The following ATP1A1 variants were observed in gnomAD, a reference collection of about 807,000 sequenced individuals.
ATP1A1 encodes the protein sodium/potassium-transporting ATPase subunit alpha-1.
Under a neutral mutation model 114.8 loss-of-function variants are expected in ATP1A1, and 14 were observed. The observed-to-expected ratio is 0.12, with a 90% CI of 0.08 to 0.19. The LOEUF (loss-of-function observed/expected upper bound fraction) is 0.19, where lower values mean the gene tolerates loss of function less well. Among genes scored for constraint, ATP1A1 ranks in the 10% least tolerant of loss-of-function variants. The pLI is 1.00. For missense variants in ATP1A1, 524 were observed against 1,290.7 expected (o/e 0.41, Z 9.10); for synonymous variants, 471 against 466.3 (o/e 1.01, Z -0.13).
chr1:116,390,378 A>G lies in ATP1A1; in HGVS notation c.1189A>G (p.Ile397Val), dbSNP rs112808861. 1.2e-6 allele frequency: 2 copies of G among 1,614,138 alleles called. No individual in the cohort carries two copies. Among genetic ancestry groups the G allele is most frequent in the Non-Finnish European group, 1.7e-6 (2 of 1,180,026 alleles). The change falls in exon 9 of 23, where the codon ATC becomes GTC. Residue 397 changes from isoleucine to valine, a missense_variant. Transcript: ENST00000295598. ...GGCCCACATGTGGTTTGACAATCAA[A>G]TCCATGAAGCTGATACGACAGAGAA... ...TVAHMWFDNQIHEADTTENQS... is the reference protein window; with the variant it reads ...TVAHMWFDNQVHEADTTENQS...
rs1184547939 is a variant in ATP1A1, at chr1:116,389,988, G to A, written c.1024-225G>A. 2.0e-5 allele frequency: 13 copies of A among 657,928 alleles called. No individual in the cohort carries two copies. Among genetic ancestry groups the A allele is most frequent in the South Asian group, 8.1e-5 (4 of 49,496 alleles). The allele number at this position is 657,928 out of a possible 1,614,324, so 40.8% of individuals were successfully genotyped here. Reference sequence around the variant, plus strand: ...AGAAGAACTTGGGATCAAGTAGGGGGATAGAATATGGTAGAATCCTGTTAT... The same window carrying A: ...AGAAGAACTTGGGATCAAGTAGGGGAATAGAATATGGTAGAATCCTGTTAT... On this transcript the variant is annotated intron_variant, in intron 8 of 22. Transcript: ENST00000295598. This position sits in a 1 kb window ranked among gnomAD's most constrained non-coding sequence, Gnocchi z 6.9.
Position 116,385,066 on chromosome 1 carries a change from T to C in ATP1A1, c.183+224T>C, listed in dbSNP as rs1226460151. ...ATGTTATTTTCTTTTCCCTATTTTA[T>C]AGCAGTTGAGAGCCAGTAAGTGGGA... is the stretch of plus-strand genomic sequence containing the variant. On this transcript the variant is annotated intron_variant, in intron 3 of 22. Coordinates refer to ENST00000295598, the MANE Select transcript of ATP1A1 (RefSeq NM_000701.8). This position sits in a 1 kb window ranked among gnomAD's most constrained non-coding sequence, Gnocchi z 4.3. The C allele has an allele frequency of 2.0e-6, 1 of 500,906 alleles. No individual in the cohort carries two copies. Among genetic ancestry groups the C allele is most frequent in the East Asian group, 4.0e-5 (1 of 25,224 alleles). 31.0% of individuals were successfully genotyped at this position (500,906 alleles called of 1,614,324 possible).
At chr1:116,374,372 T>C (rs1651212227) in intron 1 of ATP1A1, 3 of 1,361,650 alleles carry the variant, frequency 2.2e-6, no homozygotes, top group South Asian at 2.5e-5. Context: ...TGAAGGAGGA[T>C]AGGCAGACCC....
In ATP1A1 at chr1:116,390,237, C is replaced by T. The variant is rs747138813; in HGVS notation, c.1048C>T (p.Arg350Cys). 6 of 1,614,044 alleles carry T rather than the reference C, an allele frequency of 3.7e-6. No homozygotes were observed. The highest frequency in any genetic ancestry group is 2.2e-5 in the East Asian group (1 of 44,890). ...GGTCTGTCTGACACTTACTGCCAAACGCATGGCAAGGAAAAACTGCTTAGT... is the reference window on the plus strand; with the variant it reads ...GGTCTGTCTGACACTTACTGCCAAATGCATGGCAAGGAAAAACTGCTTAGT... ...VTVCLTLTAK[R>C]MARKNCLVKN... The change falls in exon 9 of 23, where the codon CGC becomes TGC. Residue 350 changes from arginine to cysteine, a missense_variant. Coordinates refer to ENST00000295598, the MANE Select transcript of ATP1A1 (RefSeq NM_000701.8).
In ATP1A1 at chr1:116,399,261, G is replaced by A; in HGVS notation, c.2449-159G>A. 7.5e-7 allele frequency: 1 copy of A among 1,340,434 alleles called. No homozygotes were observed. The highest frequency in any genetic ancestry group is 1.0e-6 in the Non-Finnish European group (1 of 976,552). 83.0% of individuals were successfully genotyped at this position (1,340,434 alleles called of 1,614,324 possible). A position where few individuals can be genotyped will look rare whatever the true frequency, so the allele number is the denominator to read the frequency against. On this transcript the variant is annotated intron_variant, in intron 17 of 22. Transcript: ENST00000295598. This position sits in a 1 kb window ranked among gnomAD's most constrained non-coding sequence, Gnocchi z 5.0. ...AGAATCAGTATTACCACTCTTCAAG[G>A]CAGCAGTTAACATTTGTTTATCAGA...
chr1:116,385,095 C>T lies in ATP1A1; in HGVS notation c.183+253C>T, dbSNP rs79467758. 5,068 of 431,580 alleles carry T rather than the reference C, an allele frequency of 0.012. 260 individuals carry two copies. Among genetic ancestry groups the T allele is most frequent in the African/African-American group, 0.097 (4,623 of 47,760 alleles). The allele number at this position is 431,580 out of a possible 1,614,324, so 26.7% of individuals were successfully genotyped here. A position where few individuals can be genotyped will look rare whatever the true frequency, so the allele number is the denominator to read the frequency against. ...AGTTGAGAGCCAGTAAGTGGGAACA[C>T]CAGGACTTGCAGTTGGCTTCAAAGC... On this transcript the variant is annotated intron_variant, in intron 3 of 22. Transcript: ENST00000295598. The surrounding 1 kb of genome is among the most constrained non-coding windows in gnomAD (Gnocchi z 4.3).
chr1:116,404,372 A>G lies in ATP1A1; in HGVS notation c.3044-44A>G, dbSNP rs1653794533. On this transcript the variant is annotated intron_variant, in intron 22 of 22. Coordinates refer to ENST00000295598, the MANE Select transcript of ATP1A1 (RefSeq NM_000701.8). This position sits in a 1 kb window ranked among gnomAD's most constrained non-coding sequence, Gnocchi z 4.8. ...TCCCTCTGTAATGCTGGAGCGAGGA[A>G]GACTCACTGTAGTGTGTCTTGTCTG... 2.5e-6 allele frequency: 4 copies of G among 1,612,502 alleles called. No individual in the cohort carries two copies. The highest frequency in any genetic ancestry group is 1.3e-5 in the African/African-American group (1 of 74,856).
chr1:116,402,632 C>G (rs1271811814), intron 21 of ATP1A1, among the ~76,000 whole-genome samples: 3 of 152,212 alleles, frequency 2.0e-5, no homozygotes, highest in African/African-American at 7.2e-5. Flanking sequence ...CTCTTGTACC[C>G]CTTACCCATC....
chr1:116,403,014 G>A (rs1653639395), intron 21 of ATP1A1, among the ~76,000 whole-genome samples: 1 of 152,198 alleles, frequency 6.6e-6, no homozygotes, highest in African/African-American at 2.4e-5. Flanking sequence ...AGGTCACAGA[G>A]CTTTCCAAAA....
At chr1:116,376,327 T>C (rs1386258282) in intron 1 of ATP1A1, among the ~76,000 whole-genome samples, 1 of 152,202 alleles carries the variant, frequency 6.6e-6, no homozygotes, top group Non-Finnish European at 1.5e-5. Context: ...TGTATGGTAA[T>C]GTTATCAGCT....
Position 116,388,249 on chromosome 1 carries a change from C to G in ATP1A1, c.501+5C>G, listed in dbSNP as rs916949782. 5 of 1,601,966 alleles carry G rather than the reference C, an allele frequency of 3.1e-6. No individual in the cohort carries two copies. Among genetic ancestry groups the G allele is most frequent in the African/African-American group, 1.3e-5 (1 of 74,610 alleles). ...TTCAAAAACATGGTCCCTCAGGTAC[C>G]AGACGCTTTGTCCTTCCCCAGTGGA... On this transcript the variant is annotated splice_donor_5th_base_variant and intron_variant, in intron 5 of 22. Coordinates refer to ENST00000295598, the MANE Select transcript of ATP1A1 (RefSeq NM_000701.8). The surrounding 1 kb of genome is among the most constrained non-coding windows in gnomAD (Gnocchi z 5.6).
At chr1:116,375,157 G>T (rs1245032846) in intron 1 of ATP1A1, among the ~76,000 whole-genome samples, 1 of 152,204 alleles carries the variant, frequency 6.6e-6, no homozygotes, top group Non-Finnish European at 1.5e-5. Context: ...TACTTCCTGA[G>T]CTAATTTTGG....
At position 116,379,250 on chromosome 1, in the gene ATP1A1, A is replaced by G. The variant is rs922402988; in HGVS notation, c.13-4764A>G. ...TGCTGGGCTGCCCAAGTTTGGATATACTAAACTGGGCTCACAAAGGGATCT... is the reference window on the plus strand; with the variant it reads ...TGCTGGGCTGCCCAAGTTTGGATATGCTAAACTGGGCTCACAAAGGGATCT... On this transcript the variant is annotated intron_variant, in intron 1 of 22. Coordinates refer to ENST00000295598, the MANE Select transcript of ATP1A1 (RefSeq NM_000701.8). 3.3e-5 allele frequency among the ~76,000 whole-genome samples: 5 copies of G among 152,146 alleles called. No individual in the cohort carries two copies. In the East Asian group the frequency reaches 9.6e-4, roughly 29 times the overall value.
In ATP1A1 at chr1:116,389,006, C is replaced by A. The variant is rs12079419; in HGVS notation, c.741C>A (p.Thr247=). The A allele has an allele frequency of 0.026, 41,440 of 1,613,776 alleles. 5,716 individuals are homozygous for A. The African/African-American group carries it at 0.37, about 14-fold the overall frequency. ...CGAGGAACATTGCCTTCTTTTCAAC[C>A]AATTGTGTTGAAGGTAGGCCATTTT... ...LETRNIAFFS[T]NCVEGTARGI... The change falls in exon 7 of 23, where the codon ACC becomes ACA. Residue 247 remains threonine, a synonymous_variant. Transcript: ENST00000295598. This position sits in a 1 kb window ranked among gnomAD's most constrained non-coding sequence, Gnocchi z 6.9.
rs749999385 is a variant in ATP1A1 at position 116,384,755 on chromosome 1, T to C, written c.124-28T>C. The C allele has an allele frequency of 1.6e-5, 26 of 1,579,034 alleles. No homozygotes were observed. The East Asian group carries it at 5.6e-4, about 34-fold the overall frequency. On this transcript the variant is annotated intron_variant, in intron 2 of 22. Coordinates refer to ENST00000295598, the MANE Select transcript of ATP1A1 (RefSeq NM_000701.8). The surrounding 1 kb of genome is among the most constrained non-coding windows in gnomAD (Gnocchi z 5.1). ...ATTTTTTTATACTACACTGTTTAAC[T>C]ATTTTCTTTGTTTCTGTTTTCCCTT... is the stretch of plus-strand genomic sequence containing the variant.
At chr1:116,403,380 A>C (rs1453466713) in intron 21 of ATP1A1, among the ~76,000 whole-genome samples, 1 of 152,212 alleles carries the variant, frequency 6.6e-6, no homozygotes, top group Non-Finnish European at 1.5e-5. Flanking sequence ...CCCCAGGACC[A>C]GGCCTCAGAA....
At chr1:116,402,708 C>T (rs1419204904) in intron 21 of ATP1A1, among the ~76,000 whole-genome samples, 3 of 152,216 alleles carry the variant, frequency 2.0e-5, no homozygotes, top group Non-Finnish European at 2.9e-5. Flanking sequence ...TCCTTCCTCC[C>T]CACATCCCTC....
At chr1:116,390,953 G>A in intron 10 of ATP1A1, 62 bp downstream of exon 10, 2 of 1,420,594 alleles carry the variant, frequency 1.4e-6, no homozygotes, top group Admixed American at 1.7e-5. Context: ...CCATTTGAGT[G>A]TTAAAAGTAG....
chr1:116,376,270 C>G (rs1204098565), intron 1 of ATP1A1, among the ~76,000 whole-genome samples: 1 of 152,108 alleles, frequency 6.6e-6, no homozygotes, highest in Non-Finnish European at 1.5e-5. Flanking sequence ...AAAAAAGGTT[C>G]CAGTGAAGGT....
Sources: allele counts gnomAD v4.1 joint callset (sites outside exome capture counted in the v4.1 genomes callset), GRCh38; gene constraint gnomAD v4.1.1; non-coding constraint Gnocchi (gnomAD v3.1); transcripts MANE v1.5; gene names NCBI Gene and HGNC (gene_info 2026-07-23, HGNC 2026-07-21).